OR4K17: variants seen among roughly 807,000 people sequenced by gnomAD.
OR4K17 encodes olfactory receptor 4K17.
For missense variants in OR4K17, 480 were observed against 366.3 expected (o/e 1.31, Z -2.53); for synonymous variants, 157 against 132.8 (o/e 1.18, Z -1.25).
chr14:20,117,548 C>A lies in OR4K17; in HGVS notation c.49C>A (p.Leu17Met), dbSNP rs747140954. Residue 17 changes from leucine (L) to methionine (M), a missense_variant, in exon 2 of 2, where the codon CTG becomes ATG. Leu to Met is a conservative substitution (Grantham distance 15). Coordinates refer to ENST00000641386, the MANE Select transcript of OR4K17 (RefSeq NM_001004715.5). ...AGTGTCAGAATTCATTTTGCTGGGACTGACCAGCTCCCAGGATGTAGAGTT... is the reference window on the plus strand; with the variant it reads ...AGTGTCAGAATTCATTTTGCTGGGAATGACCAGCTCCCAGGATGTAGAGTT... ...SQVSEFILLG[L>M]TSSQDVEFLL... 5.6e-6 allele frequency: 9 copies of A among 1,613,852 alleles called. No individual in the cohort carries two copies. In the African/African-American group the frequency reaches 9.3e-5, roughly 17 times the overall value.
chr14:20,113,309 A>C (rs1877920488), intron 1 of OR4K17, among the ~76,000 whole-genome samples: 1 of 152,022 alleles, frequency 6.6e-6, no homozygotes. Context: ...TTATTCTAAT[A>C]ATTGTATTAT....
chr14:20,113,222 A>C (rs1010684415), intron 1 of OR4K17, among the ~76,000 whole-genome samples: 3 of 152,084 alleles, frequency 2.0e-5, no homozygotes, highest in African/African-American at 7.2e-5. Flanking sequence ...TATGAAAAAT[A>C]AATCAATGTC....
intron 1 of OR4K17, among the ~76,000 whole-genome samples, chr14:20,116,692 G>A (rs1171525289): frequency 6.6e-6 from 1 of 152,086 alleles, no homozygotes; most frequent in Non-Finnish European, 1.5e-5. Flanking sequence ...TGTAATATGT[G>A]GCTCTTGTTA....
intron 1 of OR4K17, 60 bp from the exon 2 acceptor site, chr14:20,117,408 T>A (rs368048415): frequency 5.9e-5 from 93 of 1,575,930 alleles, no homozygotes; most frequent in Admixed American, 3.2e-4. Context: ...GTTTTTCATA[T>A]GGCTCTTTAT....
intron 1 of OR4K17, 184 bp from the exon 2 acceptor site, chr14:20,117,284 C>T: frequency 1.5e-6 from 1 of 668,378 alleles, no homozygotes; most frequent in Non-Finnish European, 2.5e-6. Context: ...GGTCATTGCT[C>T]TTTTATGGAA....
At position 20,118,069 on chromosome 14, in the gene OR4K17, A is replaced by C; in HGVS notation, c.570A>C (p.Ile190=). 6.2e-7 allele frequency: 1 copy of C among 1,614,152 alleles called. No individual in the cohort carries two copies. The highest frequency in any genetic ancestry group is 2.2e-5 in the East Asian group (1 of 44,876). Residue 190 remains isoleucine (I), a synonymous_variant, in exon 2 of 2, where the codon ATA becomes ATC. Transcript: ENST00000641386. ...DLPLVTKLAC[I]DIYFVQVVIV... The stretch of plus-strand genomic sequence containing the variant: ...CTTTGGTTACTAAGCTTGCCTGTAT[A>C]GACATATATTTTGTACAGGTAGTCA...
chr14:20,120,009 G>T lies in OR4K17; in HGVS notation c.*1571G>T, dbSNP rs1428743346. The T allele has an allele frequency of 6.6e-6, 1 of 152,080 alleles. No homozygotes were observed. The highest frequency in any genetic ancestry group is 1.5e-5 in the Non-Finnish European group (1 of 68,000). The allele number at this position is 152,080 out of a possible 1,614,324, so 9.4% of individuals were successfully genotyped here. A position where few individuals can be genotyped will look rare whatever the true frequency, so the allele number is the denominator to read the frequency against. Reference sequence around the variant, plus strand: ...GCAGCACCAAAAATAATAAATTATTGATTTTTAAAATGTTGACTGAGTTAT... The same window carrying T: ...GCAGCACCAAAAATAATAAATTATTTATTTTTAAAATGTTGACTGAGTTAT... On this transcript the variant is annotated 3_prime_UTR_variant, in exon 2 of 2. Transcript: ENST00000641386.
Position 20,118,035 on chromosome 14 carries a change from G to C in OR4K17, c.536G>C (p.Cys179Ser), listed in dbSNP as rs750020371. The C allele has an allele frequency of 7.4e-6, 12 of 1,614,110 alleles. No individual in the cohort carries two copies. The highest frequency in any genetic ancestry group is 1.0e-5 in the Non-Finnish European group (12 of 1,180,004). Residue 179 changes from cysteine (C) to serine (S), a missense_variant, in exon 2 of 2, where the codon TGT (cysteine) becomes TCT (serine). Coordinates refer to ENST00000641386, the MANE Select transcript of OR4K17 (RefSeq NM_001004715.5). The part of the protein sequence containing the change: ...CGPNVVDSIF[C>S]DLPLVTKLAC... ...CCCAATGTGGTAGACAGCATTTTTT[G>C]TGACCTCCCTTTGGTTACTAAGCTT...
chr14:20,120,031 T>C lies in OR4K17; in HGVS notation c.*1593T>C, dbSNP rs1878124632. The C allele has an allele frequency of 6.6e-6, 1 of 152,168 alleles. No individual in the cohort carries two copies. Among genetic ancestry groups the C allele is most frequent in the African/African-American group, 2.4e-5 (1 of 41,432 alleles). The allele number at this position is 152,168 out of a possible 1,614,324, so 9.4% of individuals were successfully genotyped here. On this transcript the variant is annotated 3_prime_UTR_variant, in exon 2 of 2. Coordinates refer to ENST00000641386, the MANE Select transcript of OR4K17 (RefSeq NM_001004715.5). Reference sequence around the variant, plus strand: ...ATTGATTTTTAAAATGTTGACTGAGTTATAAAAGGTGTCAGAGACTCACTT... The same window carrying C: ...ATTGATTTTTAAAATGTTGACTGAGCTATAAAAGGTGTCAGAGACTCACTT...
rs2094841 is a variant in OR4K17 at position 20,118,894 on chromosome 14, G to A, written c.*456G>A. The stretch of plus-strand genomic sequence containing the variant: ...TGATAACATCTTATCAGGAGACAGG[G>A]TTTGAGAGCGGACAACCGGTCTGAC... On this transcript the variant is annotated 3_prime_UTR_variant, in exon 2 of 2. Coordinates refer to ENST00000641386, the MANE Select transcript of OR4K17 (RefSeq NM_001004715.5). The A allele has an allele frequency of 0.69, 108,147 of 155,698 alleles. 37,643 individuals are homozygous for A. The highest frequency in any genetic ancestry group is 0.73 in the Middle Eastern group (220 of 300). 9.6% of individuals were successfully genotyped at this position (155,698 alleles called of 1,614,324 possible).
rs1182822178 is a variant in OR4K17 at position 20,120,084 on chromosome 14, T to G, written c.*1646T>G. ...CCTTCAGAGGAGCTTGATAGATATGTACTTTGTTTAGTTGTTACAATGGCT... is the reference window on the plus strand; with the variant it reads ...CCTTCAGAGGAGCTTGATAGATATGGACTTTGTTTAGTTGTTACAATGGCT... On this transcript the variant is annotated 3_prime_UTR_variant, in exon 2 of 2. Coordinates refer to ENST00000641386, the MANE Select transcript of OR4K17 (RefSeq NM_001004715.5). 2 of 152,208 alleles carry G rather than the reference T, an allele frequency of 1.3e-5. No individual in the cohort carries two copies. The highest frequency in any genetic ancestry group is 2.9e-5 in the Non-Finnish European group (2 of 68,036). The allele number at this position is 152,208 out of a possible 1,614,324, so 9.4% of individuals were successfully genotyped here. A position where few individuals can be genotyped will look rare whatever the true frequency, so the allele number is the denominator to read the frequency against.
chr14:20,120,351 C>CT lies in OR4K17; in HGVS notation c.*1916dup, dbSNP rs908733673. 1.3e-4 allele frequency: 20 copies of CT among 152,184 alleles called. No homozygotes were observed. The highest frequency in any genetic ancestry group is 4.6e-4 in the African/African-American group (19 of 41,510). 9.4% of individuals were successfully genotyped at this position (152,184 alleles called of 1,614,324 possible). The stretch of plus-strand genomic sequence containing the variant: ...CCAAAATAAGAATTCATGAAGATAC[C>CT]TTTATGGTTGTTAATATTATAAAAT... On this transcript the variant is annotated 3_prime_UTR_variant, in exon 2 of 2. Coordinates refer to ENST00000641386, the MANE Select transcript of OR4K17 (RefSeq NM_001004715.5).
chr14:20,122,169 C>G lies in OR4K17; in HGVS notation c.*3731C>G, dbSNP rs759348500. The G allele has an allele frequency of 6.6e-6, 1 of 151,828 alleles. No homozygotes were observed. Among genetic ancestry groups the G allele is most frequent in the Non-Finnish European group, 1.5e-5 (1 of 67,880 alleles). The allele number at this position is 151,828 out of a possible 1,614,324, so 9.4% of individuals were successfully genotyped here. ...TATCTGAACAAAAGACACAGAGTGGCTAAATGAATAAAAAGATAAAACCCA... is the reference window on the plus strand; with the variant it reads ...TATCTGAACAAAAGACACAGAGTGGGTAAATGAATAAAAAGATAAAACCCA... On this transcript the variant is annotated 3_prime_UTR_variant, in exon 2 of 2. Transcript: ENST00000641386.
At chr14:20,117,367 A>T (rs752176887) in intron 1 of OR4K17, 101 bp from the exon 2 acceptor site, 1 of 1,398,264 alleles carries the variant, frequency 7.2e-7, no homozygotes, top group South Asian at 1.4e-5. Context: ...AGGTCCGTTT[A>T]TTGAAAGATC....
rs777677316 is a variant in OR4K17, at chr14:20,117,674, A to C, written c.175A>C (p.Met59Leu). ...TAACACCCCTAACCTGAATACTCCC[A>C]TGTATTTTCTCCTTGGTAATCTCTC... is the stretch of plus-strand genomic sequence containing the variant. ...VFNTPNLNTPMYFLLGNLSFV... is the reference protein window; with the variant it reads ...VFNTPNLNTPLYFLLGNLSFV... The change falls in exon 2 of 2, where the codon ATG becomes CTG. Residue 59 changes from methionine (M) to leucine (L), a missense_variant. Transcript: ENST00000641386. 3 of 1,613,864 alleles carry C rather than the reference A, an allele frequency of 1.9e-6. No homozygotes were observed. Among genetic ancestry groups the C allele is most frequent in the Non-Finnish European group, 2.5e-6 (3 of 1,179,918 alleles).
At position 20,119,640 on chromosome 14, in the gene OR4K17, C is replaced by A. The variant is rs1373609239; in HGVS notation, c.*1202C>A. ...CTGACTTGAGGTCAGGAGTTTGAGA[C>A]CAGCCTGGCCAACATGGCGAAACCC... On this transcript the variant is annotated 3_prime_UTR_variant, in exon 2 of 2. Coordinates refer to ENST00000641386, the MANE Select transcript of OR4K17 (RefSeq NM_001004715.5). 6.6e-6 allele frequency: 1 copy of A among 152,216 alleles called. No homozygotes were observed. The highest frequency in any genetic ancestry group is 1.5e-5 in the Non-Finnish European group (1 of 68,064). The allele number at this position is 152,216 out of a possible 1,614,324, so 9.4% of individuals were successfully genotyped here.
intron 1 of OR4K17, among the ~76,000 whole-genome samples, chr14:20,113,847 C>G (rs951238945): frequency 7.0e-6 from 1 of 142,130 alleles, no homozygotes; most frequent in Admixed American, 7.0e-5. Context: ...TAAATATAAA[C>G]AAGAGAAAAA....
At position 20,120,250 on chromosome 14, in the gene OR4K17, C is replaced by T. The variant is rs1307308170; in HGVS notation, c.*1812C>T. On this transcript the variant is annotated 3_prime_UTR_variant, in exon 2 of 2. Coordinates refer to ENST00000641386, the MANE Select transcript of OR4K17 (RefSeq NM_001004715.5). Reference sequence around the variant, plus strand: ...TACAATATTAATGTCTAAGTCAGCACTCATATGCAGTGTCTCCTAAGAAAC... The same window carrying T: ...TACAATATTAATGTCTAAGTCAGCATTCATATGCAGTGTCTCCTAAGAAAC... 6.6e-6 allele frequency: 1 copy of T among 152,164 alleles called. No homozygotes were observed. Among genetic ancestry groups the T allele is most frequent in the Non-Finnish European group, 1.5e-5 (1 of 68,032 alleles). 9.4% of individuals were successfully genotyped at this position (152,164 alleles called of 1,614,324 possible).
chr14:20,113,766 C>CTT (rs965604974), intron 1 of OR4K17, among the ~76,000 whole-genome samples: 7 of 151,940 alleles, frequency 4.6e-5, no homozygotes, highest in Non-Finnish European at 8.8e-5. Flanking sequence ...TTCCTTTATA[C>CTT]TTTGTGTTGC....
Sources: allele counts gnomAD v4.1 joint callset (sites outside exome capture counted in the v4.1 genomes callset), GRCh38; gene constraint gnomAD v4.1.1; transcripts MANE v1.5; gene names NCBI Gene and HGNC (gene_info 2026-07-23, HGNC 2026-07-21).